Variants in EME1 observed in about 807,000 individuals in gnomAD.
EME1 encodes structure-specific endonuclease subunit EME1.
Under a neutral mutation model 59.1 loss-of-function variants are expected in EME1, and 61 were observed. That is an observed-to-expected ratio of 1.03 (90% CI 0.84 to 1.28). EME1 has a LOEUF of 1.28. Ranked by LOEUF, EME1 falls within the 50% of genes most tolerant of loss-of-function variation. The pLI is 0.00. For synonymous variants in EME1, 230 were observed against 254.2 expected, an observed-to-expected ratio of 0.90 and a Z score of 0.90; for missense variants, 635 against 682.6, an observed-to-expected ratio of 0.93 and a Z score of 0.78.
At chr17:50,375,084 C>A (rs1415954231) in intron 1 of EME1, 101 bp from the exon 2 acceptor site, 3 of 894,434 alleles carry the variant, frequency 3.4e-6, no homozygotes, top group Non-Finnish European at 5.2e-6. Context: ...TTTCTGTATT[C>A]TCTATATCTT....
chr17:50,377,140 G>T (rs1438271468), intron 3 of EME1, among the ~76,000 whole-genome samples: 1 of 151,894 alleles, frequency 6.6e-6, no homozygotes, highest in South Asian at 2.1e-4. Flanking sequence ...TTTTGGATCT[G>T]ATAACTTTCT....
At chr17:50,373,841 A>C (rs1187643510) in intron 1 of EME1, among the ~76,000 whole-genome samples, 1 of 152,242 alleles carries the variant, frequency 6.6e-6, no homozygotes, top group African/African-American at 2.4e-5. Flanking sequence ...AAACAAATTA[A>C]ATGTCCAAGT....
chr17:50,378,049 C>T (rs1913562935), intron 3 of EME1, among the ~76,000 whole-genome samples: 1 of 151,572 alleles, frequency 6.6e-6, no homozygotes, highest in South Asian at 2.1e-4. Flanking sequence ...CAGGTGTGAG[C>T]CACCGTGCCT....
At chr17:50,379,762 T>C in intron 7 of EME1, 195 bp downstream of exon 7, 1 of 570,004 alleles carries the variant, frequency 1.8e-6, no homozygotes, top group Non-Finnish European at 3.1e-6. Context: ...TCAAATATTC[T>C]CCTTTCGCCT....
rs1913637791 is a variant in EME1, at chr17:50,379,098, C to T, written c.1113-9C>T. 25 of 1,614,034 alleles carry T rather than the reference C, an allele frequency of 1.5e-5. No individual in the cohort carries two copies. The highest frequency in any genetic ancestry group is 2.1e-5 in the Non-Finnish European group (25 of 1,180,044). ...AGCTGCTGTTCTTTGATTTCCTCCCCTGCACCAGTGCTCAGAATCCTCCAA... is the reference window on the plus strand; with the variant it reads ...AGCTGCTGTTCTTTGATTTCCTCCCTTGCACCAGTGCTCAGAATCCTCCAA... On this transcript the variant is annotated splice_polypyrimidine_tract_variant and intron_variant, in intron 5 of 8. Transcript: ENST00000338165.
At chr17:50,373,350 G>A (rs1212921660) in intron 1 of EME1, 73 bp downstream of exon 1, 3 of 794,432 alleles carry the variant, frequency 3.8e-6, no homozygotes, top group African/African-American at 3.5e-5. Flanking sequence ...CAGAATCTTG[G>A]TGGCTAAGGT....
At position 50,379,155 on chromosome 17, in the gene EME1, C is replaced by T. The variant is rs1368823226; in HGVS notation, c.1161C>T (p.Thr387=). The change falls in exon 6 of 9, where the codon ACC becomes ACT. Residue 387 remains threonine, a synonymous_variant. Coordinates refer to ENST00000338165, the MANE Select transcript of EME1 (RefSeq NM_152463.4). The stretch of plus-strand genomic sequence containing the variant: ...GGAAACAGGGAGCAAATAAACAGAC[C>T]AAGAAGCAGCAGCAGAGACAACCAG... The part of the protein sequence containing the change: ...RRGKQGANKQ[T]KKQQQRQPEA... 1.9e-6 allele frequency: 3 copies of T among 1,614,082 alleles called. No individual in the cohort carries two copies. Among genetic ancestry groups the T allele is most frequent in the South Asian group, 1.1e-5 (1 of 91,078 alleles).
intron 5 of EME1, 39 bp downstream of exon 5, chr17:50,378,934 A>G: frequency 1.2e-6 from 2 of 1,614,110 alleles, no homozygotes; most frequent in Non-Finnish European, 1.7e-6. Context: ...TAAAAGGGGC[A>G]GCTCTTGGGC....
In EME1 at chr17:50,379,225, G is replaced by C. The variant is rs778455049; in HGVS notation, c.1230+1G>C. 1.2e-6 allele frequency: 2 copies of C among 1,614,074 alleles called. No individual in the cohort carries two copies. The highest frequency in any genetic ancestry group is 1.7e-5 in the Admixed American group (1 of 60,024). On this transcript the variant is annotated splice_donor_variant, in intron 6 of 8. Coordinates refer to ENST00000338165, the MANE Select transcript of EME1 (RefSeq NM_152463.4). LOFTEE classifies it high-confidence loss of function. ...GGTATCCAGGGTAGACGCTGAAGAGGTAAGAACGTCCTGTTGCCTGAATCG... is the reference window on the plus strand; with the variant it reads ...GGTATCCAGGGTAGACGCTGAAGAGCTAAGAACGTCCTGTTGCCTGAATCG...
intron 1 of EME1, 82 bp from the exon 2 acceptor site, chr17:50,375,103 G>C: frequency 1.9e-6 from 2 of 1,072,620 alleles, no homozygotes; most frequent in Admixed American, 4.6e-5. Flanking sequence ...TTATATTTAT[G>C]TCATAAAGCC....
At chr17:50,380,660 G>A in intron 8 of EME1, 103 bp from the exon 9 acceptor site, 3 of 1,556,868 alleles carry the variant, frequency 1.9e-6, no homozygotes, top group Admixed American at 1.7e-5. Context: ...CAGGGAGGGA[G>A]GACAGGTTCT....
rs541392172 is a variant in EME1 at position 50,381,147 on chromosome 17, A to G, written c.*208A>G. 3 of 601,790 alleles carry G rather than the reference A, an allele frequency of 5.0e-6. 1 individual carries two copies. The highest frequency in any genetic ancestry group is 2.9e-5 in the East Asian group (1 of 34,590). The allele number at this position is 601,790 out of a possible 1,614,324, so 37.3% of individuals were successfully genotyped here. On this transcript the variant is annotated 3_prime_UTR_variant, in exon 9 of 9. Coordinates refer to ENST00000338165, the MANE Select transcript of EME1 (RefSeq NM_152463.4). The stretch of plus-strand genomic sequence containing the variant: ...TACTGCCACCTACCTTTGGCATTTA[A>G]TGTTCCTCTCCTGGCAAAAATTCAC...
rs766032658 is a variant in EME1 at position 50,376,057 on chromosome 17, C to G, written c.776-9C>G. On this transcript the variant is annotated splice_polypyrimidine_tract_variant and intron_variant, in intron 2 of 8. Transcript: ENST00000338165. ...CCCCCACTGACAGTCCCTTTTCCATCTGTTGCAGTGCTCTTACAGATGGAA... is the reference window on the plus strand; with the variant it reads ...CCCCCACTGACAGTCCCTTTTCCATGTGTTGCAGTGCTCTTACAGATGGAA... The G allele has an allele frequency of 6.2e-7, 1 of 1,612,248 alleles. No homozygotes were observed. Among genetic ancestry groups the G allele is most frequent in the East Asian group, 2.2e-5 (1 of 44,838 alleles).
rs1014235832 is a variant in EME1 at position 50,380,991 on chromosome 17, C to T, written c.*52C>T. On this transcript the variant is annotated 3_prime_UTR_variant, in exon 9 of 9. Transcript: ENST00000338165. ...AAGCTGGAAACTTCCACTTCCCCAA[C>T]CTCAGAGCCTGACTGTAATGAAGAG... 1.9e-6 allele frequency: 3 copies of T among 1,596,514 alleles called. No individual in the cohort carries two copies. Among genetic ancestry groups the T allele is most frequent in the Non-Finnish European group, 1.7e-6 (2 of 1,166,728 alleles).
intron 3 of EME1, among the ~76,000 whole-genome samples, 154 bp from the exon 4 acceptor site, chr17:50,378,441 G>A (rs569702484): frequency 2.0e-5 from 3 of 152,186 alleles, no homozygotes; most frequent in African/African-American, 4.8e-5. Context: ...GAGGGACAGC[G>A]ACACTGTTTC....
intron 7 of EME1, chr17:50,379,776 TGTAA>T (rs1218652240): frequency 9.2e-6 from 5 of 545,004 alleles, no homozygotes; most frequent in Non-Finnish European, 1.6e-5. Context: ...TTCGCCTATA[TGTAA>T]GTATGTGTTC....
Position 50,380,864 on chromosome 17 carries a change from A to C in EME1, c.1638A>C (p.Gly546=). Residue 546 remains glycine, a synonymous_variant, in exon 9 of 9, where the codon GGA becomes GGC. Coordinates refer to ENST00000338165, the MANE Select transcript of EME1 (RefSeq NM_152463.4). ...TGACATCCACTTCTCGCCGCATTGG[A>C]CCAGAACTATCCAGGCGTATCTACC... ...EGVTSTSRRI[G]PELSRRIYLQ... is the part of the protein sequence containing the mutation. 1 of 1,614,122 alleles carries C rather than the reference A, an allele frequency of 6.2e-7. No individual in the cohort carries two copies.
intron 7 of EME1, chr17:50,380,104 A>G (rs1913718228): frequency 1.8e-6 from 1 of 543,190 alleles, no homozygotes; most frequent in Non-Finnish European, 3.3e-6. Flanking sequence ...ACTATAATGG[A>G]CTAGATGTAG....
chr17:50,373,275 C>T lies in EME1; in HGVS notation c.-27C>T, dbSNP rs1203585285. On this transcript the variant is annotated splice_region_variant and 5_prime_UTR_variant, in exon 1 of 9. Coordinates refer to ENST00000338165, the MANE Select transcript of EME1 (RefSeq NM_152463.4). ...GTTGAAAGAGTGGCGGGAGAAGTTG[C>T]AGGTGAGCGTCCCCGGTCGCAGGCC... 3 of 1,513,954 alleles carry T rather than the reference C, an allele frequency of 2.0e-6. No homozygotes were observed. The highest frequency in any genetic ancestry group is 2.7e-6 in the Non-Finnish European group (3 of 1,111,424). The allele number at this position is 1,513,954 out of a possible 1,614,324, so 93.8% of individuals were successfully genotyped here. A position where few individuals can be genotyped will look rare whatever the true frequency, so the allele number is the denominator to read the frequency against.
Sources: allele counts gnomAD v4.1 joint callset (sites outside exome capture counted in the v4.1 genomes callset), GRCh38; gene constraint gnomAD v4.1.1; transcripts MANE v1.5; gene names NCBI Gene and HGNC (gene_info 2026-07-23, HGNC 2026-07-21).